CALN1: variants seen among roughly 807,000 people sequenced by gnomAD.
The protein encoded by CALN1 is calcium-binding protein 8.
CALN1 carries 17 observed loss-of-function variants against 30.6 expected under a neutral mutation model. That is an observed-to-expected ratio of 0.56 (90% CI 0.38 to 0.83). The LOEUF (loss-of-function observed/expected upper bound fraction) is 0.83, where lower values mean the gene tolerates loss of function less well. Among genes scored for constraint, CALN1 ranks in the 40% least tolerant of loss-of-function variants. The pLI is 0.00. For missense variants in CALN1, 291 were observed against 354.9 expected, an observed-to-expected ratio of 0.82 and a Z score of 1.45; for synonymous variants, 156 against 131.4, an observed-to-expected ratio of 1.19 and a Z score of -1.28.
chr7:71,899,145 C>CTT (rs35581465), intron 5 of CALN1, among the ~76,000 whole-genome samples: 10,745 of 135,448 alleles, frequency 0.079, 803 homozygotes, highest in East Asian at 0.41. Context: ...GCAGAGACAT[C>CTT]TTTTTTTTTT....
intron 3 of CALN1, among the ~76,000 whole-genome samples, chr7:72,173,145 G>A (rs1789087204): frequency 1.3e-5 from 2 of 151,872 alleles, no homozygotes; most frequent in African/African-American, 4.8e-5. Context: ...GAAAACAATT[G>A]CTGTACTTCT....
chr7:71,847,522 C>CA lies in CALN1; in HGVS notation c.502-37031dup, dbSNP rs796263204. ...CCAAAACCAAAACCAAAACCAAAAACAAAAAAAAAATTATCCAGATGTGGT... is the reference window on the plus strand; with the variant it reads ...CCAAAACCAAAACCAAAACCAAAAACAAAAAAAAAAATTATCCAGATGTGGT... On this transcript the variant is annotated intron_variant, in intron 5 of 6. Coordinates refer to ENST00000395275, the MANE Select transcript of CALN1 (RefSeq NM_031468.4). Among the ~76,000 whole-genome samples the CA allele has an allele frequency of 6.0e-3, 889 of 147,596 alleles. 13 individuals carry two copies. The highest frequency in any genetic ancestry group is 0.021 in the African/African-American group (845 of 40,220).
At chr7:71,852,471 T>A (rs1310640270) in intron 5 of CALN1, among the ~76,000 whole-genome samples, 16 of 118,616 alleles carry the variant, frequency 1.3e-4, no homozygotes, top group East Asian at 7.3e-4. Context: ...ACCCTGTCTC[T>A]AAAAAAAAAA....
chr7:72,137,623 T>C (rs958271998), intron 3 of CALN1, among the ~76,000 whole-genome samples: 4 of 152,254 alleles, frequency 2.6e-5, no homozygotes, highest in Non-Finnish European at 4.4e-5. Context: ...TATGCCAGTA[T>C]GATCCTGGAT....
chr7:72,480,708 T>C, the CALN1 span, among the ~76,000 whole-genome samples: 1 of 152,214 alleles, frequency 6.6e-6, no homozygotes, highest in Admixed American at 6.5e-5. Context: ...ATTTCTTCAC[T>C]AGACATAGGG....
intron 4 of CALN1, among the ~76,000 whole-genome samples, chr7:72,093,156 A>G (rs1330152813): frequency 6.6e-6 from 1 of 152,236 alleles, no homozygotes; most frequent in Non-Finnish European, 1.5e-5. Context: ...TAGTTAAAGC[A>G]AAATGAATTG....
intron 3 of CALN1, among the ~76,000 whole-genome samples, chr7:72,161,213 A>T (rs376836616): frequency 3.9e-5 from 6 of 152,278 alleles, no homozygotes; most frequent in East Asian, 3.9e-4. Context: ...CACTTGGGAA[A>T]TCTCAAGGGA....
intron 3 of CALN1, among the ~76,000 whole-genome samples, chr7:72,209,241 T>C (rs111211670): frequency 0.13 from 1,421 of 11,198 alleles, no homozygotes; most frequent in East Asian, 0.31. Context: ...TCCTTCCCTC[T>C]TTCCTTCCCT....
intron 4 of CALN1, among the ~76,000 whole-genome samples, chr7:72,099,188 C>T (rs1348831932): frequency 6.6e-6 from 1 of 151,948 alleles, no homozygotes; most frequent in Non-Finnish European, 1.5e-5. Context: ...CCACTGCCAT[C>T]CTGCCTGCCC....
intron 3 of CALN1, among the ~76,000 whole-genome samples, chr7:72,140,381 A>AGGAT (rs1324409988): frequency 1.4e-5 from 2 of 139,658 alleles, no homozygotes; most frequent in Non-Finnish European, 3.2e-5. Context: ...GGAGGGAGGG[A>AGGAT]GGATGGAAGA....
chr7:71,935,890 T>A (rs934575763), intron 5 of CALN1, among the ~76,000 whole-genome samples: 1 of 152,226 alleles, frequency 6.6e-6, no homozygotes. Context: ...AGGTTACATG[T>A]ACCTTCTGCA....
chr7:71,810,249 C>A, intron 6 of CALN1, 87 bp downstream of exon 6: 1 of 1,421,500 alleles, frequency 7.0e-7, no homozygotes, highest in South Asian at 1.4e-5. Context: ...AGCCCAAGAG[C>A]CTGTGTGTGA....
chr7:72,064,859 T>C (rs2129537308), intron 4 of CALN1, among the ~76,000 whole-genome samples: 1 of 152,070 alleles, frequency 6.6e-6, no homozygotes, highest in Admixed American at 6.5e-5. Context: ...GTATTGGTGC[T>C]TGCTCAGGCA....
At chr7:71,799,455 TTAG>T (rs1562789498) in intron 6 of CALN1, among the ~76,000 whole-genome samples, 1,615 of 102,118 alleles carry the variant, frequency 0.016, 31 homozygotes, top group African/African-American at 0.061. Context: ...ATTTATTTAG[TTAG>T]TTAGTTAGTT....
At chr7:72,143,625 C>T (rs996359279) in intron 3 of CALN1, among the ~76,000 whole-genome samples, 13 of 152,040 alleles carry the variant, frequency 8.6e-5, no homozygotes, top group South Asian at 4.2e-4. Flanking sequence ...ATACAGAGAA[C>T]GCTACAAAGA....
chr7:71,887,444 C>A (rs760395912), intron 5 of CALN1, among the ~76,000 whole-genome samples: 3 of 152,114 alleles, frequency 2.0e-5, no homozygotes, highest in Non-Finnish European at 4.4e-5. Context: ...TACAGGCATG[C>A]GTCACCACGC....
At chr7:71,891,780 C>T (rs944453580) in intron 5 of CALN1, among the ~76,000 whole-genome samples, 3 of 151,920 alleles carry the variant, frequency 2.0e-5, no homozygotes, top group Middle Eastern at 3.4e-3. Flanking sequence ...CCCGTCTCTA[C>T]TAAAAATACA....
chr7:72,388,264 A>T (rs80102207), intron 2 of CALN1, among the ~76,000 whole-genome samples: 1 of 152,104 alleles, frequency 6.6e-6, no homozygotes, highest in South Asian at 2.1e-4. Context: ...AATAAAATAC[A>T]ATTTTTTAAA....
the CALN1 span, among the ~76,000 whole-genome samples, chr7:72,479,082 G>C: frequency 6.6e-6 from 1 of 151,848 alleles, no homozygotes. Context: ...GGGTTTCACC[G>C]TGTTAGCCAG....
Sources: gnomAD v4.1 joint callset for allele counts (sites outside exome capture counted in the v4.1 genomes callset) on GRCh38, gnomAD v4.1.1 for gene constraint, MANE v1.5 for transcripts, NCBI Gene and HGNC (gene_info 2026-07-23, HGNC 2026-07-21) for gene names.